The following LMF1 variants were observed in gnomAD, a reference collection of about 807,000 sequenced individuals.
LMF1 encodes the protein transmembrane protein 112.
LMF1 carries 68 observed loss-of-function variants against 60.6 expected under a neutral mutation model. The observed-to-expected ratio is 1.12, with a 90% CI of 0.92 to 1.37. The LOEUF is 1.37. Ranked by LOEUF, LMF1 falls within the 40% of genes most tolerant of loss-of-function variation. The pLI, the probability that LMF1 is intolerant of heterozygous loss-of-function variation, is 0.00. For missense variants in LMF1, 948 were observed against 767.2 expected (o/e 1.24, Z -2.78); for synonymous variants, 418 against 324.7 (o/e 1.29, Z -3.09).
In LMF1 at chr16:948,879, T is replaced by TGACAGAGTCAGCCAAC. The variant is rs1310602156; in HGVS notation, c.503+5462_503+5477dup. 9.6e-4 allele frequency among the ~76,000 whole-genome samples: 31 copies of TGACAGAGTCAGCCAAC among 32,202 alleles called. 1 individual carries two copies. The highest frequency in any genetic ancestry group is 7.5e-3 in the African/African-American group (27 of 3,592). The allele number at this position is 32,202 out of a possible 152,430, so 21.1% of individuals were successfully genotyped here. ...CAGCCAACGACAGAGTCAGAGCCAATGACAGAGTCAGCCAACGACAGAGTC... is the reference window on the plus strand; with the variant it reads ...CAGCCAACGACAGAGTCAGAGCCAATGACAGAGTCAGCCAACGACAGAGTCAGCCAACGACAGAGTC... On this transcript the variant is annotated intron_variant, in intron 2 of 10. Coordinates refer to ENST00000262301, the MANE Select transcript of LMF1 (RefSeq NM_022773.4).
At chr16:940,616 T>C (rs559544871) in intron 2 of LMF1, among the ~76,000 whole-genome samples, 3 of 152,354 alleles carry the variant, frequency 2.0e-5, no homozygotes, top group East Asian at 3.9e-4. Context: ...CGAACCCTAT[T>C]CTGGAAAGTA....
At chr16:868,538 C>A (rs2151697321) in intron 10 of LMF1, among the ~76,000 whole-genome samples, 1 of 152,308 alleles carries the variant, frequency 6.6e-6, no homozygotes, top group South Asian at 2.1e-4. Context: ...TCACTGCAGT[C>A]CCCTGCCCAG....
At chr16:971,368 G>T (rs1006152751), upstream of LMF1, among the ~76,000 whole-genome samples, 6 of 152,248 alleles carry the variant, frequency 3.9e-5, no homozygotes, top group African/African-American at 1.4e-4. Context: ...TGGGGAAGGT[G>T]GGCTGCACAG....
rs879395811 is a variant in LMF1 at position 854,787 on chromosome 16, C to T, written c.1530-81G>A. 11 of 1,270,100 alleles carry T rather than the reference C, an allele frequency of 8.7e-6. 1 individual carries two copies. Among genetic ancestry groups the T allele is most frequent in the Admixed American group, 3.9e-5 (2 of 50,636 alleles). The allele number at this position is 1,270,100 out of a possible 1,614,324, so 78.7% of individuals were successfully genotyped here. On this transcript the variant is annotated intron_variant, in intron 10 of 10. Transcript: ENST00000262301. The stretch of plus-strand genomic sequence containing the variant: ...GGCTCCTCAGCCTGCTGCTGAGCTG[C>T]AGCTGCTCACAGGGTCCCCCACGGA...
rs533966210 is a variant in LMF1, at chr16:966,646, G to A, written c.193+4142C>T. On this transcript the variant is annotated intron_variant, in intron 1 of 10. Transcript: ENST00000262301. ...GTGGCTGCCTGCGAGCCGTCTCCCAGGCGGGTGTGTCCTTGGTCCGCCTTC... is the reference window on the plus strand; with the variant it reads ...GTGGCTGCCTGCGAGCCGTCTCCCAAGCGGGTGTGTCCTTGGTCCGCCTTC... Among the ~76,000 whole-genome samples the A allele has an allele frequency of 3.1e-4, 47 of 152,372 alleles. 3 individuals carry two copies. In the South Asian group the frequency reaches 9.3e-3, roughly 30 times the overall value.
chr16:892,314 T>A (rs895619185), intron 5 of LMF1, among the ~76,000 whole-genome samples: 20 of 152,196 alleles, frequency 1.3e-4, no homozygotes, highest in African/African-American at 4.6e-4. Flanking sequence ...AGGTGCACCG[T>A]GGCCATGACC....
chr16:935,812 G>A (rs933282427), intron 2 of LMF1, among the ~76,000 whole-genome samples: 10 of 152,134 alleles, frequency 6.6e-5, no homozygotes, highest in African/African-American at 1.7e-4. Context: ...TCCCTACATC[G>A]TCCGACCTTT....
At chr16:966,436 G>A (rs560464126) in intron 1 of LMF1, among the ~76,000 whole-genome samples, 11 of 152,342 alleles carry the variant, frequency 7.2e-5, no homozygotes, top group Admixed American at 3.9e-4. Flanking sequence ...CCTCAGGAGT[G>A]TCTCTGCGCC....
upstream of LMF1, chr16:971,080 AAGGCCCCACCCACACCCCGGG>A: frequency 6.4e-6 from 8 of 1,247,050 alleles, no homozygotes; most frequent in Non-Finnish European, 8.4e-6. Context: ...CCCACGGCCG[AAGGCCCCACCCACACCCCGGG>A]AGGCCCCGCT....
upstream of LMF1, chr16:975,874 C>T (rs1284295027): frequency 8.9e-6 from 4 of 451,534 alleles, no homozygotes; most frequent in South Asian, 6.2e-5. Flanking sequence ...TTCGAGAAAG[C>T]AGGTTTTCCT....
chr16:865,974 G>A (rs1567146143), intron 10 of LMF1, among the ~76,000 whole-genome samples: 3 of 152,026 alleles, frequency 2.0e-5, no homozygotes. Context: ...TTTTCATTTG[G>A]TTCTTTAAAA....
At chr16:855,675 G>A (rs1250176078) in intron 10 of LMF1, 4 of 455,648 alleles carry the variant, frequency 8.8e-6, no homozygotes, top group African/African-American at 6.0e-5. Flanking sequence ...CCATGGCAGA[G>A]CTGGGCCCCA....
intron 5 of LMF1, chr16:883,984 A>G (rs1207678588): frequency 3.9e-5 from 6 of 152,150 alleles, no homozygotes; most frequent in Non-Finnish European, 8.8e-5. Flanking sequence ...CTCCAACTTT[A>G]TGGATTTGTC....
At chr16:972,728 G>T (rs1022859740), upstream of LMF1, among the ~76,000 whole-genome samples, 3 of 152,232 alleles carry the variant, frequency 2.0e-5, no homozygotes, top group Non-Finnish European at 4.4e-5. Context: ...TGCTCTCCCC[G>T]CGAAGGGCAC....
At chr16:909,180 G>A (rs1445595311) in intron 4 of LMF1, among the ~76,000 whole-genome samples, 1 of 152,196 alleles carries the variant, frequency 6.6e-6, no homozygotes, top group African/African-American at 2.4e-5. Context: ...CTCCATGCAT[G>A]GCTGACGTTT....
rs1202538015 is a variant in LMF1, at chr16:950,414, C to T, written c.503+3943G>A. The stretch of plus-strand genomic sequence containing the variant: ...ACAGAGTCAGAGCCAACGACAGAGT[C>T]AGAGACAACGACAGAGTTAGAGACA... On this transcript the variant is annotated intron_variant, in intron 2 of 10. Transcript: ENST00000262301. Among the ~76,000 whole-genome samples the T allele has an allele frequency of 2.2e-5, 3 of 135,248 alleles. No individual in the cohort carries two copies. The East Asian group carries it at 6.7e-4, about 30-fold the overall frequency. The allele number at this position is 135,248 out of a possible 152,430, so 88.7% of individuals were successfully genotyped here.
At chr16:980,606 T>C (rs2073322889) in intron 1 of LMF1, 6 of 152,130 alleles carry the variant, frequency 3.9e-5, no homozygotes. Flanking sequence ...GTTGGCTGCC[T>C]GACCCGGAAT....
chr16:926,168 G>A (rs1052143704), intron 3 of LMF1, among the ~76,000 whole-genome samples: 9 of 151,914 alleles, frequency 5.9e-5, no homozygotes, highest in African/African-American at 1.7e-4. Context: ...ATGTGCATAC[G>A]CGTGTGCACA....
rs539905270 is a variant in LMF1, at chr16:912,714, G to A, written c.515-1635C>T. 2.3e-3 allele frequency among the ~76,000 whole-genome samples: 354 copies of A among 152,288 alleles called. 1 individual carries two copies. Among genetic ancestry groups the A allele is most frequent in the African/African-American group, 8.1e-3 (335 of 41,564 alleles). The stretch of plus-strand genomic sequence containing the variant: ...CATCTTCCCCACGGAAGCCAGAGCC[G>A]CCTGGCTGGCTGGGCCTTGCGGACA... On this transcript the variant is annotated intron_variant, in intron 3 of 10. Coordinates refer to ENST00000262301, the MANE Select transcript of LMF1 (RefSeq NM_022773.4).
Sources: allele counts gnomAD v4.1 joint callset (sites outside exome capture counted in the v4.1 genomes callset), GRCh38; gene constraint gnomAD v4.1.1; transcripts MANE v1.5; gene names NCBI Gene and HGNC (gene_info 2026-07-23, HGNC 2026-07-21).